Variants in PTK2B observed in about 807,000 individuals in gnomAD.
PTK2B encodes the protein protein tyrosine kinase 2 beta.
A neutral mutation model predicts 142.9 loss-of-function variants in PTK2B; 71 were observed. The ratio of observed to expected loss-of-function variants is 0.50; its 90% CI spans 0.41 to 0.61. The LOEUF (loss-of-function observed/expected upper bound fraction) is 0.61, where lower values mean the gene tolerates loss of function less well. Ranked by LOEUF, PTK2B falls within the 20% of genes least tolerant of loss-of-function variation. The probability of loss-of-function intolerance (pLI) is 0.00; values close to 1 mark genes in which losing one functional copy is unlikely to be tolerated. For missense variants in PTK2B, 1,105 were observed against 1,320.4 expected (o/e 0.84, Z 2.53); for synonymous variants, 519 against 503.4 (o/e 1.03, Z -0.42).
In PTK2B at chr8:27,458,522, G is replaced by A. The variant is rs1812298803; in HGVS notation, c.*13G>A. 1.3e-6 allele frequency: 2 copies of A among 1,554,510 alleles called. No individual in the cohort carries two copies. Among genetic ancestry groups the A allele is most frequent in the Non-Finnish European group, 1.7e-6 (2 of 1,150,220 alleles). On this transcript the variant is annotated 3_prime_UTR_variant, in exon 31 of 31. Coordinates refer to ENST00000346049, the MANE Select transcript of PTK2B (RefSeq NM_173176.3). ...ACCTGCAGAGTGACGGAGGGTGGGG[G>A]CCACCTGCCTGCGTCTTCCGCCCCT...
chr8:27,400,659 C>T (rs1308318232), intron 2 of PTK2B, among the ~76,000 whole-genome samples: 1 of 152,140 alleles, frequency 6.6e-6, no homozygotes, highest in Non-Finnish European at 1.5e-5. Flanking sequence ...AAAAGGATGA[C>T]TCAAGCTTTT....
intron 1 of PTK2B, among the ~76,000 whole-genome samples, chr8:27,339,614 C>T (rs1342921016): frequency 5.3e-5 from 8 of 152,174 alleles, no homozygotes; most frequent in Non-Finnish European, 1.2e-4. Flanking sequence ...CCTTTAAAGG[C>T]TCAGACCCCG....
intron 2 of PTK2B, among the ~76,000 whole-genome samples, chr8:27,416,546 A>T (rs1809411919): frequency 6.6e-6 from 1 of 152,218 alleles, no homozygotes; most frequent in South Asian, 2.1e-4. Context: ...ATAAAAGAAA[A>T]CATAGAATAT....
At chr8:27,342,434 G>A (rs1447564804) in intron 1 of PTK2B, among the ~76,000 whole-genome samples, 1 of 152,006 alleles carries the variant, frequency 6.6e-6, no homozygotes, top group African/African-American at 2.4e-5. Context: ...AGCCCAGCCT[G>A]CTTTGTTCTT....
chr8:27,383,080 A>T (rs1201876672), intron 1 of PTK2B, among the ~76,000 whole-genome samples: 1 of 152,126 alleles, frequency 6.6e-6, no homozygotes, highest in Non-Finnish European at 1.5e-5. Flanking sequence ...CTTTTCTATC[A>T]TATTTCTGTG....
At chr8:27,325,082 A>G (rs1043742270), upstream of PTK2B, among the ~76,000 whole-genome samples, 4 of 152,208 alleles carry the variant, frequency 2.6e-5, no homozygotes, top group African/African-American at 9.6e-5. Flanking sequence ...TCATGCCTGC[A>G]AAGGGACTGG....
At chr8:27,331,856 C>T (rs1420820709) in intron 1 of PTK2B, among the ~76,000 whole-genome samples, 2 of 152,138 alleles carry the variant, frequency 1.3e-5, no homozygotes, top group African/African-American at 2.4e-5. Flanking sequence ...CTCTGGGAAC[C>T]TCAAGTGCTT....
chr8:27,331,013 A>T (rs1198650627), intron 1 of PTK2B, among the ~76,000 whole-genome samples: 1 of 152,164 alleles, frequency 6.6e-6, no homozygotes, highest in African/African-American at 2.4e-5. Flanking sequence ...GTTCGCTAAC[A>T]TCTTCCCCCT....
chr8:27,364,909 T>A (rs928144814), intron 1 of PTK2B, among the ~76,000 whole-genome samples: 1 of 152,252 alleles, frequency 6.6e-6, no homozygotes. Context: ...ACTCGATTGC[T>A]GCCCCAGGGT....
At chr8:27,310,842 GC>G (rs1354214516), upstream of PTK2B, 1 of 1,608,758 alleles carries the variant, frequency 6.2e-7, no homozygotes, top group Non-Finnish European at 8.5e-7. Context: ...TGCACGCGGT[GC>G]CCCTGGTGTC....
chr8:27,328,176 A>G (rs1448911688), intron 1 of PTK2B, among the ~76,000 whole-genome samples: 1 of 152,224 alleles, frequency 6.6e-6, no homozygotes, highest in Non-Finnish European at 1.5e-5. Context: ...GTGGGCAGAG[A>G]GTGACTCAAA....
intron 3 of PTK2B, among the ~76,000 whole-genome samples, chr8:27,314,704 T>G (rs1803056409): frequency 6.6e-6 from 1 of 152,238 alleles, no homozygotes; most frequent in South Asian, 2.1e-4. Flanking sequence ...GTTCCCACAC[T>G]GTGGAGTTTA....
intron 1 of PTK2B, among the ~76,000 whole-genome samples, chr8:27,335,011 T>C (rs978964827): frequency 4.6e-5 from 7 of 152,088 alleles, no homozygotes; most frequent in African/African-American, 1.7e-4. Context: ...CCAGGCTGAA[T>C]GAGAGGAGAA....
At chr8:27,387,534 G>A (rs775906902) in intron 1 of PTK2B, among the ~76,000 whole-genome samples, 22 of 152,282 alleles carry the variant, frequency 1.4e-4, no homozygotes, top group Non-Finnish European at 2.8e-4. Context: ...GGTTTTAGGG[G>A]TCTGCACCAT....
At chr8:27,381,540 A>G (rs150434996) in intron 1 of PTK2B, among the ~76,000 whole-genome samples, 2 of 152,230 alleles carry the variant, frequency 1.3e-5, no homozygotes, top group East Asian at 1.9e-4. Flanking sequence ...GCTAAATAGC[A>G]CTCCATCTGT....
chr8:27,369,476 C>G (rs1476141163), intron 1 of PTK2B, among the ~76,000 whole-genome samples: 1 of 152,146 alleles, frequency 6.6e-6, no homozygotes, highest in Non-Finnish European at 1.5e-5. Context: ...TCGAGACCAG[C>G]CTGGCCAACA....
At chr8:27,456,298 G>A (rs1161101727) in intron 30 of PTK2B, among the ~76,000 whole-genome samples, 9 of 152,126 alleles carry the variant, frequency 5.9e-5, no homozygotes, top group African/African-American at 9.7e-5. Flanking sequence ...CTAACAGCAC[G>A]TGCTCACTTT....
chr8:27,325,881 G>C (rs1342993316), intron 1 of PTK2B, among the ~76,000 whole-genome samples, 200 bp downstream of exon 1: 1 of 152,210 alleles, frequency 6.6e-6, no homozygotes, highest in Non-Finnish European at 1.5e-5. Context: ...GCGGGGAAGA[G>C]GGGTTCTATT....
At chr8:27,387,350 T>C (rs1807429390) in intron 1 of PTK2B, among the ~76,000 whole-genome samples, 1 of 152,230 alleles carries the variant, frequency 6.6e-6, no homozygotes, top group African/African-American at 2.4e-5. Context: ...GCAAATGCTA[T>C]GAAGGGAGAT....
Sources: allele counts gnomAD v4.1 joint callset (sites outside exome capture counted in the v4.1 genomes callset), GRCh38; gene constraint gnomAD v4.1.1; transcripts MANE v1.5; gene names NCBI Gene and HGNC (gene_info 2026-07-23, HGNC 2026-07-21).